The following GARRE1 variants were observed in gnomAD, a reference collection of about 807,000 sequenced individuals.
GARRE1 encodes granule associated Rac and RHOG effector protein 1.
In GARRE1, 49 loss-of-function variants were observed where a neutral mutation model predicts 103.2. That is an observed-to-expected ratio of 0.47 (90% CI 0.38 to 0.60). GARRE1 has a LOEUF of 0.60. GARRE1 is among the 20% of genes least tolerant of loss of function. The pLI is 0.00. For synonymous variants in GARRE1, 505 were observed against 532.8 expected (o/e 0.95, Z 0.72); for missense variants, 1,199 against 1,370.5 (o/e 0.87, Z 1.98).
At chr19:34,291,782 C>T (rs540312650) in intron 1 of GARRE1, among the ~76,000 whole-genome samples, 28 of 152,078 alleles carry the variant, frequency 1.8e-4, no homozygotes, top group Non-Finnish European at 3.5e-4. Context: ...ATAGCAACCA[C>T]TATTTAACTT....
chr19:34,343,386 A>G (rs1255334884), intron 10 of GARRE1, among the ~76,000 whole-genome samples: 1 of 151,978 alleles, frequency 6.6e-6, no homozygotes, highest in Non-Finnish European at 1.5e-5. Context: ...GCAGTGAGCT[A>G]TGATCATGCC....
Position 34,342,351 on chromosome 19 carries a change from T to TG in GARRE1, c.2420dup (p.Gln808ThrfsTer7). 1 of 1,614,162 alleles carries TG rather than the reference T, an allele frequency of 6.2e-7. No individual in the cohort carries two copies. ...ATGGATAATGTGATGTCAGAGGTTCTGGGACAGAAGCCGCAGGGACCTAGA... is the reference window on the plus strand; with the variant it reads ...ATGGATAATGTGATGTCAGAGGTTCTGGGGACAGAAGCCGCAGGGACCTAGA... On this transcript the variant is annotated frameshift_variant, in exon 10 of 14. Coordinates refer to ENST00000299505, the MANE Select transcript of GARRE1 (RefSeq NM_014686.5). LOFTEE classifies it high-confidence loss of function.
intron 1 of GARRE1, among the ~76,000 whole-genome samples, chr19:34,277,947 C>G (rs969577814): frequency 2.3e-4 from 29 of 126,192 alleles, no homozygotes; most frequent in African/African-American, 8.1e-4. Context: ...TAGCTTGGTG[C>G]CTTAACACCT....
Position 34,341,425 on chromosome 19 carries a change from G to A in GARRE1, c.1491G>A (p.Glu497=). Reference sequence around the variant, plus strand: ...AAACAAATTTCTGTTTAAATAGGGAGCAAGCTTTACCCTGCATACAGATCC... The same window carrying A: ...AAACAAATTTCTGTTTAAATAGGGAACAAGCTTTACCCTGCATACAGATCC... ...LDLNRWRAGR[E]QALPCIQIQL... is the part of the protein sequence containing the mutation. Residue 497 remains glutamate, a synonymous_variant, in exon 10 of 14, where the codon GAG becomes GAA. Transcript: ENST00000299505. The A allele has an allele frequency of 1.2e-6, 2 of 1,604,094 alleles. No individual in the cohort carries two copies. The highest frequency in any genetic ancestry group is 1.7e-6 in the Non-Finnish European group (2 of 1,177,144).
chr19:34,303,187 T>A (rs1363074505), intron 2 of GARRE1, among the ~76,000 whole-genome samples: 1 of 152,250 alleles, frequency 6.6e-6, no homozygotes, highest in Non-Finnish European at 1.5e-5. Flanking sequence ...TGATCTCTTA[T>A]ATTCGTTTGA....
chr19:34,309,015 A>G (rs1187172451), intron 2 of GARRE1, among the ~76,000 whole-genome samples: 1 of 152,004 alleles, frequency 6.6e-6, no homozygotes, highest in Non-Finnish European at 1.5e-5. Flanking sequence ...ACGTCTCCTG[A>G]TGTGCTGCAG....
intron 3 of GARRE1, among the ~76,000 whole-genome samples, chr19:34,322,158 CTT>C (rs1362935643): frequency 6.6e-6 from 1 of 152,172 alleles, no homozygotes; most frequent in Non-Finnish European, 1.5e-5. Flanking sequence ...TTTAAGGAGA[CTT>C]TGCCTATAAT....
chr19:34,286,312 C>T (rs879313368), intron 1 of GARRE1, among the ~76,000 whole-genome samples: 3 of 151,042 alleles, frequency 2.0e-5, no homozygotes, highest in Non-Finnish European at 2.9e-5. Flanking sequence ...CTCTGCCTCC[C>T]GGGTTCATGC....
intron 3 of GARRE1, 22 bp from the exon 4 acceptor site, chr19:34,327,399 C>A: frequency 6.2e-7 from 1 of 1,611,806 alleles, no homozygotes; most frequent in Admixed American, 1.7e-5. Context: ...CTTTTACCTA[C>A]CAGTTACTAT....
chr19:34,275,418 C>A (rs1004785200), intron 1 of GARRE1, among the ~76,000 whole-genome samples: 1 of 151,974 alleles, frequency 6.6e-6, no homozygotes, highest in Non-Finnish European at 1.5e-5. Flanking sequence ...CACCCCCACC[C>A]CCAGCCTTAG....
intron 1 of GARRE1, chr19:34,285,016 C>T (rs953230026): frequency 1.3e-5 from 2 of 152,158 alleles, no homozygotes; most frequent in African/African-American, 4.8e-5. Flanking sequence ...GAGATCACGC[C>T]ACTGCACTCC....
intron 11 of GARRE1, 193 bp downstream of exon 11, chr19:34,348,235 G>A (rs976066606): frequency 2.3e-6 from 1 of 427,024 alleles, no homozygotes. Flanking sequence ...ATGCCAAGTA[G>A]TGTGATGTAT....
chr19:34,294,416 C>T (rs2073935527), intron 1 of GARRE1, among the ~76,000 whole-genome samples: 1 of 151,328 alleles, frequency 6.6e-6, no homozygotes, highest in South Asian at 2.1e-4. Flanking sequence ...GAGAGAGACC[C>T]CATCTCTAAA....
At chr19:34,260,140 A>T (rs956356240) in intron 1 of GARRE1, among the ~76,000 whole-genome samples, 1 of 152,242 alleles carries the variant, frequency 6.6e-6, no homozygotes, top group African/African-American at 2.4e-5. Context: ...CCCAACCTTT[A>T]GCACCCACAC....
intron 1 of GARRE1, among the ~76,000 whole-genome samples, chr19:34,261,307 C>G (rs1016151706): frequency 6.6e-6 from 1 of 152,090 alleles, no homozygotes; most frequent in African/African-American, 2.4e-5. Context: ...AGTGAGGGCT[C>G]TGAGCGTGCT....
intron 1 of GARRE1, among the ~76,000 whole-genome samples, chr19:34,293,715 A>AAAACACACACACACACACAC (rs1555781735): frequency 1.0e-5 from 1 of 100,472 alleles, no homozygotes; most frequent in African/African-American, 4.4e-5. Flanking sequence ...TAAACATATA[A>AAAACACACACACACACACAC]ACACACACAC....
At chr19:34,296,035 T>C (rs2073944939) in intron 1 of GARRE1, among the ~76,000 whole-genome samples, 1 of 152,262 alleles carries the variant, frequency 6.6e-6, no homozygotes, top group Non-Finnish European at 1.5e-5. Context: ...TCTTTCCTTA[T>C]GCCAGTATTT....
Position 34,342,232 on chromosome 19 carries a change from G to A in GARRE1, c.2298G>A (p.Gln766=). 6.2e-7 allele frequency: 1 copy of A among 1,614,242 alleles called. No individual in the cohort carries two copies. The highest frequency in any genetic ancestry group is 1.1e-5 in the South Asian group (1 of 91,084). The change falls in exon 10 of 14, where the codon CAG becomes CAA. Residue 766 remains glutamine (Q), a synonymous_variant. Transcript: ENST00000299505. ...WVHGSSQQPA[Q]AVGAGLSPLG... Reference sequence around the variant, plus strand: ...ATGGCTCATCCCAGCAGCCAGCGCAGGCTGTTGGAGCAGGTCTGTCTCCTC... The same window carrying A: ...ATGGCTCATCCCAGCAGCCAGCGCAAGCTGTTGGAGCAGGTCTGTCTCCTC...
intron 1 of GARRE1, among the ~76,000 whole-genome samples, chr19:34,257,948 G>T (rs1243909105): frequency 2.1e-5 from 3 of 145,968 alleles, no homozygotes; most frequent in African/African-American, 2.6e-5. Context: ...GGAGTGCAGT[G>T]GCTCGGTCTC....
Sources: gnomAD v4.1 joint callset for allele counts (sites outside exome capture counted in the v4.1 genomes callset) on GRCh38, gnomAD v4.1.1 for gene constraint, MANE v1.5 for transcripts, NCBI Gene and HGNC (gene_info 2026-07-23, HGNC 2026-07-21) for gene names.